The following ADAD1 variants were observed in gnomAD, a reference collection of about 807,000 sequenced individuals.
The protein encoded by ADAD1 is adenosine deaminase domain-containing protein 1.
Under a neutral mutation model 66.8 loss-of-function variants are expected in ADAD1, and 46 were observed. That is an observed-to-expected ratio of 0.69 (90% confidence interval 0.54 to 0.88). The LOEUF is 0.88. Among genes scored for constraint, ADAD1 ranks in the 40% least tolerant of loss-of-function variants. ADAD1 has a pLI of 0.00. For synonymous variants in ADAD1, 248 were observed against 229.4 expected (o/e 1.08, Z -0.73); for missense variants, 617 against 681.8 (o/e 0.91, Z 1.06).
At chr4:122,381,286 G>T in intron 4 of ADAD1, 106 bp downstream of exon 4, 4 of 1,153,268 alleles carry the variant, frequency 3.5e-6, no homozygotes, top group Non-Finnish European at 4.8e-6. Context: ...GTAACTGATT[G>T]TATGTTTTCA....
intron 5 of ADAD1, among the ~76,000 whole-genome samples, chr4:122,389,583 T>C (rs1795340357): frequency 6.6e-6 from 1 of 152,230 alleles, no homozygotes; most frequent in African/African-American, 2.4e-5. Flanking sequence ...CTCTTCTTGG[T>C]GAATTTTTCC....
chr4:122,411,855 A>G (rs1447072725), intron 9 of ADAD1, among the ~76,000 whole-genome samples: 1 of 152,182 alleles, frequency 6.6e-6, no homozygotes, highest in Non-Finnish European at 1.5e-5. Flanking sequence ...TTGCTATGCT[A>G]TGCTTTAAAA....
At chr4:122,423,779 T>C (rs1280780039) in intron 12 of ADAD1, among the ~76,000 whole-genome samples, 1 of 152,078 alleles carries the variant, frequency 6.6e-6, no homozygotes, top group Non-Finnish European at 1.5e-5. Flanking sequence ...TATCATATGG[T>C]TTGATTTATA....
chr4:122,393,174 C>T (rs1795538448), intron 5 of ADAD1, among the ~76,000 whole-genome samples: 1 of 151,404 alleles, frequency 6.6e-6, no homozygotes, highest in Non-Finnish European at 1.5e-5. Context: ...TGTAGCATTC[C>T]CTTAGAAAAA....
chr4:122,421,278 G>C lies in ADAD1; in HGVS notation c.1505G>C (p.Gly502Ala). 6.3e-7 allele frequency: 1 copy of C among 1,598,616 alleles called. No individual in the cohort carries two copies. Among genetic ancestry groups the C allele is most frequent in the South Asian group, 1.1e-5 (1 of 88,498 alleles). ...KITESSPFKS[G>A]MSMASRLCKA... ...CTGCTTAGTTCCCCATTTAAAAGTGGTATGTCAATGGCAAGTCGGCTTTGT... is the reference window on the plus strand; with the variant it reads ...CTGCTTAGTTCCCCATTTAAAAGTGCTATGTCAATGGCAAGTCGGCTTTGT... The change falls in exon 12 of 13, where the codon GGT (glycine) becomes GCT (alanine). Residue 502 changes from glycine to alanine, a missense_variant. Physicochemically the swap from Gly to Ala is moderately conservative, Grantham distance 60. Coordinates refer to ENST00000296513, the MANE Select transcript of ADAD1 (RefSeq NM_139243.4).
At chr4:122,410,762 A>G (rs570655696) in intron 8 of ADAD1, among the ~76,000 whole-genome samples, 2 of 152,046 alleles carry the variant, frequency 1.3e-5, no homozygotes, top group South Asian at 4.1e-4. Flanking sequence ...ATGCTCTTGT[A>G]TTTTTTCTTT....
chr4:122,407,749 A>G (rs528208894), intron 7 of ADAD1, among the ~76,000 whole-genome samples, 159 bp from the exon 8 acceptor site: 1 of 152,348 alleles, frequency 6.6e-6, no homozygotes, highest in South Asian at 2.1e-4. Context: ...TTTGCTTCTT[A>G]GAAGACTCTA....
chr4:122,408,246 A>G (rs924698991), intron 8 of ADAD1, among the ~76,000 whole-genome samples: 5 of 152,052 alleles, frequency 3.3e-5, no homozygotes, highest in Non-Finnish European at 7.4e-5. Context: ...AGTGGCTTCT[A>G]TTATTAAGAA....
intron 12 of ADAD1, among the ~76,000 whole-genome samples, chr4:122,427,523 C>T (rs1479505741): frequency 3.6e-4 from 26 of 71,954 alleles, no homozygotes; most frequent in South Asian, 6.7e-4. Context: ...ATCCAAAGGC[C>T]TTTTTTTTTT....
intron 7 of ADAD1, among the ~76,000 whole-genome samples, chr4:122,407,215 A>G (rs929342520): frequency 1.3e-5 from 2 of 150,380 alleles, no homozygotes; most frequent in African/African-American, 4.9e-5. Flanking sequence ...AGAGATAGAA[A>G]GAATGAGGAG....
chr4:122,387,450 G>A (rs945410816), intron 5 of ADAD1, among the ~76,000 whole-genome samples: 1 of 152,042 alleles, frequency 6.6e-6, no homozygotes, highest in South Asian at 2.1e-4. Context: ...TGAAAAGATG[G>A]GGTTTTCTAA....
At chr4:122,422,313 C>T (rs1286722928) in intron 12 of ADAD1, among the ~76,000 whole-genome samples, 2 of 152,082 alleles carry the variant, frequency 1.3e-5, no homozygotes, top group South Asian at 2.1e-4. Context: ...TCAGTAGAGA[C>T]GGGGTTTCGC....
chr4:122,385,155 A>G (rs1795106144), intron 5 of ADAD1, among the ~76,000 whole-genome samples: 1 of 152,210 alleles, frequency 6.6e-6, no homozygotes, highest in African/African-American at 2.4e-5. Flanking sequence ...TCTTATTCAC[A>G]ACATAAAACT....
chr4:122,407,887 C>T, intron 7 of ADAD1, 21 bp from the exon 8 acceptor site: 1 of 1,610,172 alleles, frequency 6.2e-7, no homozygotes, highest in Non-Finnish European at 8.5e-7. Flanking sequence ...TAACCTGCTA[C>T]TGTCTACCTT....
At chr4:122,391,784 A>C (rs2101034) in intron 5 of ADAD1, among the ~76,000 whole-genome samples, 4 of 152,198 alleles carry the variant, frequency 2.6e-5, no homozygotes. Flanking sequence ...GTCTTAGCTC[A>C]CTGCAACCTT....
At chr4:122,396,542 G>A (rs2050282778) in intron 7 of ADAD1, among the ~76,000 whole-genome samples, 165 bp downstream of exon 7, 1 of 152,140 alleles carries the variant, frequency 6.6e-6, no homozygotes, top group African/African-American at 2.4e-5. Flanking sequence ...TAGAGATAAA[G>A]CACACTGACC....
chr4:122,380,939 A>G, intron 3 of ADAD1, 53 bp from the exon 4 acceptor site: 7 of 1,493,198 alleles, frequency 4.7e-6, no homozygotes, highest in Non-Finnish European at 2.7e-6. Flanking sequence ...GCTTTTGCTC[A>G]TTTTTGTTTG....
intron 4 of ADAD1, 86 bp downstream of exon 4, chr4:122,381,266 T>C (rs536658295): frequency 2.3e-6 from 3 of 1,315,732 alleles, no homozygotes; most frequent in South Asian, 1.6e-5. Context: ...TCTTCTAATA[T>C]TGGAGTTAGG....
At chr4:122,380,360 C>T (rs2150523469) in intron 3 of ADAD1, 119 bp downstream of exon 3, 1 of 1,217,056 alleles carries the variant, frequency 8.2e-7, no homozygotes, top group South Asian at 1.6e-5. Context: ...TACCCGTGGC[C>T]GTGTACCTGG....
Sources: gnomAD v4.1 joint callset for allele counts (sites outside exome capture counted in the v4.1 genomes callset) on GRCh38, gnomAD v4.1.1 for gene constraint, MANE v1.5 for transcripts, NCBI Gene and HGNC (gene_info 2026-07-23, HGNC 2026-07-21) for gene names.